The following ZMPSTE24 variants were observed in gnomAD, a reference collection of about 807,000 sequenced individuals.
ZMPSTE24 encodes the protein CAAX prenyl protease 1 homolog.
Under a neutral mutation model 56.7 loss-of-function variants are expected in ZMPSTE24, and 48 were observed. The ratio of observed to expected loss-of-function variants is 0.85; its 90% CI spans 0.67 to 1.08. The LOEUF is 1.08. ZMPSTE24 is among the 50% of genes least tolerant of loss of function. The pLI is 0.00. For missense variants in ZMPSTE24, 503 were observed against 548.7 expected (o/e 0.92, Z 0.83); for synonymous variants, 172 against 195.2 (o/e 0.88, Z 0.99).
chr1:40,290,274 A>G (rs1165598357), intron 8 of ZMPSTE24, among the ~76,000 whole-genome samples: 2 of 149,940 alleles, frequency 1.3e-5, no homozygotes, highest in African/African-American at 4.9e-5. Flanking sequence ...AGTCCCAGCT[A>G]CTCGGGAGGC....
At chr1:40,266,853 G>A (rs551350172) in intron 2 of ZMPSTE24, among the ~76,000 whole-genome samples, 1 of 132,756 alleles carries the variant, frequency 7.5e-6, no homozygotes, top group African/African-American at 2.9e-5. Flanking sequence ...CTGCAGCCTC[G>A]ACATCCCAGG....
At chr1:40,260,292 C>G (rs941024206) in intron 1 of ZMPSTE24, among the ~76,000 whole-genome samples, 2 of 151,964 alleles carry the variant, frequency 1.3e-5, no homozygotes, top group African/African-American at 4.8e-5. Flanking sequence ...AACTCCTGGG[C>G]TCAAGGAATC....
intron 7 of ZMPSTE24, 146 bp downstream of exon 7, chr1:40,281,673 A>AT: frequency 1.2e-6 from 1 of 824,232 alleles, no homozygotes; most frequent in Non-Finnish European, 1.9e-6. Flanking sequence ...TAGTTCTGGT[A>AT]TTTAGGAGAG....
chr1:40,287,629 C>T (rs1323510281), intron 8 of ZMPSTE24, among the ~76,000 whole-genome samples: 1 of 150,982 alleles, frequency 6.6e-6, no homozygotes, highest in Admixed American at 6.6e-5. Context: ...GAGCTGAGAT[C>T]GCCCCAGTGC....
chr1:40,263,290 GT>G (rs1453177445), intron 2 of ZMPSTE24, among the ~76,000 whole-genome samples: 8 of 152,172 alleles, frequency 5.3e-5, no homozygotes, highest in Non-Finnish European at 1.0e-4. Flanking sequence ...GTTAATAGTC[GT>G]CATGATTTTC....
At chr1:40,269,397 A>G (rs1321726512) in intron 4 of ZMPSTE24, among the ~76,000 whole-genome samples, 1 of 147,726 alleles carries the variant, frequency 6.8e-6, no homozygotes, top group East Asian at 2.0e-4. Flanking sequence ...CTGTCTCTTA[A>G]AAAAAAAAAA....
chr1:40,279,130 C>A (rs1042110408), intron 6 of ZMPSTE24, among the ~76,000 whole-genome samples: 4 of 152,058 alleles, frequency 2.6e-5, no homozygotes, highest in Non-Finnish European at 5.9e-5. Context: ...GACAGAGAGA[C>A]CCTGTCTCAA....
rs137854889 is a variant in ZMPSTE24, at chr1:40,290,870, G to GT, written c.1085dup (p.Leu362PhefsTer19). The GT allele has an allele frequency of 4.4e-4, 700 of 1,600,408 alleles. No individual in the cohort carries two copies. Among genetic ancestry groups the GT allele is most frequent in the Non-Finnish European group, 5.3e-4 (620 of 1,170,512 alleles). On this transcript the variant is annotated frameshift_variant, in exon 9 of 10. Coordinates refer to ENST00000372759, the MANE Select transcript of ZMPSTE24 (RefSeq NM_005857.5). LOFTEE classifies it high-confidence loss of function. Reference sequence around the variant, plus strand: ...TCTTTCTAGATGAATTCTTTCCTGTGTTTTTTTTTATTTGCTGTATTAATT... The same window carrying GT: ...TCTTTCTAGATGAATTCTTTCCTGTGTTTTTTTTTTATTTGCTGTATTAATT...
rs570359289 is a variant in ZMPSTE24, at chr1:40,286,628, C to G, written c.1059+599C>G. 2.4e-4 allele frequency among the ~76,000 whole-genome samples: 37 copies of G among 151,938 alleles called. 1 individual carries two copies. The highest frequency in any genetic ancestry group is 8.7e-4 in the African/African-American group (36 of 41,444). ...TAGACACAGGGTATCACCATGTTGG[C>G]CAGGCTGGTCTCGAACTCCTGACCT... On this transcript the variant is annotated intron_variant, in intron 8 of 9. Coordinates refer to ENST00000372759, the MANE Select transcript of ZMPSTE24 (RefSeq NM_005857.5).
intron 4 of ZMPSTE24, among the ~76,000 whole-genome samples, chr1:40,269,544 C>T (rs751831294): frequency 3.9e-5 from 6 of 152,164 alleles, no homozygotes; most frequent in Admixed American, 1.3e-4. Context: ...ACTGTAGCCA[C>T]GACCTTCCAG....
intron 6 of ZMPSTE24, among the ~76,000 whole-genome samples, chr1:40,280,153 C>T (rs559725399): frequency 2.6e-5 from 4 of 152,076 alleles, no homozygotes; most frequent in Non-Finnish European, 4.4e-5. Flanking sequence ...GTAGAATGGT[C>T]GACATTGAGT....
At chr1:40,290,740 G>C in intron 8 of ZMPSTE24, 114 bp from the exon 9 acceptor site, 1 of 1,286,304 alleles carries the variant, frequency 7.8e-7, no homozygotes, top group African/African-American at 1.5e-5. Flanking sequence ...GGGATTACAG[G>C]CGTGAGCCAC....
At chr1:40,292,345 C>G in intron 9 of ZMPSTE24, 100 bp from the exon 10 acceptor site, 1 of 1,151,236 alleles carries the variant, frequency 8.7e-7, no homozygotes, top group Non-Finnish European at 1.3e-6. Context: ...TGCCATTCCT[C>G]TTATCCCAAG....
Position 40,258,286 on chromosome 1 carries a change from A to G in ZMPSTE24, c.15A>G (p.Ala5=), listed in dbSNP as rs374301030. The G allele has an allele frequency of 5.0e-6, 8 of 1,614,072 alleles. No homozygotes were observed. Among genetic ancestry groups the G allele is most frequent in the Non-Finnish European group, 6.8e-6 (8 of 1,180,034 alleles). MGMW[A]SLDALWEMPA... ...ACCGGGTGGCCATGGGGATGTGGGC[A>G]TCGCTGGACGCTTTGTGGGAGATGC... Residue 5 remains alanine, a synonymous_variant, in exon 1 of 10, where the codon GCA becomes GCG. Coordinates refer to ENST00000372759, the MANE Select transcript of ZMPSTE24 (RefSeq NM_005857.5).
chr1:40,263,372 A>G (rs139332272), intron 2 of ZMPSTE24, among the ~76,000 whole-genome samples: 1 of 152,360 alleles, frequency 6.6e-6, no homozygotes, highest in Non-Finnish European at 1.5e-5. Flanking sequence ...AGGCATTATT[A>G]TTCCCTTCTT....
chr1:40,266,855 C>T (rs957107866), intron 2 of ZMPSTE24, among the ~76,000 whole-genome samples: 1 of 146,040 alleles, frequency 6.8e-6, no homozygotes, highest in Non-Finnish European at 1.5e-5. Flanking sequence ...GCAGCCTCGA[C>T]ATCCCAGGCT....
intron 2 of ZMPSTE24, among the ~76,000 whole-genome samples, chr1:40,262,201 T>G (rs1029129396): frequency 1.3e-5 from 2 of 152,324 alleles, no homozygotes; most frequent in South Asian, 4.1e-4. Context: ...ATCACAAAAT[T>G]TTTCTTAACA....
chr1:40,291,634 G>A (rs1643845039), intron 9 of ZMPSTE24, among the ~76,000 whole-genome samples: 1 of 152,118 alleles, frequency 6.6e-6, no homozygotes. Context: ...TAATATTGAA[G>A]ATCTTGAGGT....
chr1:40,283,504 TA>T (rs56840739), intron 7 of ZMPSTE24, among the ~76,000 whole-genome samples: 382 of 143,230 alleles, frequency 2.7e-3, no homozygotes, highest in Admixed American at 2.9e-3. Context: ...GACCCTGTCT[TA>T]AAAAAAAAAA....
Sources: allele counts gnomAD v4.1 joint callset (sites outside exome capture counted in the v4.1 genomes callset), GRCh38; gene constraint gnomAD v4.1.1; transcripts MANE v1.5; gene names NCBI Gene and HGNC (gene_info 2026-07-23, HGNC 2026-07-21).